PLEKHH2: variants seen among roughly 807,000 people sequenced by gnomAD.
PLEKHH2 encodes pleckstrin homology, MyTH4 and FERM domain containing H2.
A neutral mutation model predicts 187.9 loss-of-function variants in PLEKHH2; 129 were observed. The observed-to-expected ratio is 0.69, with a 90% CI of 0.59 to 0.79. The LOEUF (loss-of-function observed/expected upper bound fraction) is 0.79. PLEKHH2 is among the 30% of genes least tolerant of loss of function. PLEKHH2 has a pLI of 0.00. For synonymous variants in PLEKHH2, 686 were observed against 605.6 expected (o/e 1.13, Z -1.95); for missense variants, 2,076 against 1,751.2 (o/e 1.19, Z -3.31).
At chr2:43,713,852 C>T (rs1010754415) in intron 15 of PLEKHH2, among the ~76,000 whole-genome samples, 1 of 151,984 alleles carries the variant, frequency 6.6e-6, no homozygotes, top group East Asian at 1.9e-4. Flanking sequence ...GTAGTTTATA[C>T]TTATTATTAA....
At position 43,694,480 on chromosome 2, in the gene PLEKHH2, A is replaced by C; in HGVS notation, c.386A>C (p.Lys129Thr). The change falls in exon 5 of 30, where the codon AAG becomes ACG. Residue 129 changes from lysine (K) to threonine (T), a missense_variant. Transcript: ENST00000282406. ...AAAATAATAGAAGAGAAAGCAGCTA[A>C]GATAAAAGAATGGGTAACAGTTAAG... ...EAKIIEEKAA[K>T]IKEWVTVKLN... 1 of 1,564,602 alleles carries C rather than the reference A, an allele frequency of 6.4e-7. No homozygotes were observed. Among genetic ancestry groups the C allele is most frequent in the Non-Finnish European group, 8.7e-7 (1 of 1,147,910 alleles).
At chr2:43,757,320 T>A in intron 26 of PLEKHH2, 56 bp downstream of exon 26, 1 of 1,296,448 alleles carries the variant, frequency 7.7e-7, no homozygotes, top group Non-Finnish European at 1.0e-6. Context: ...TTTTTGGTAA[T>A]ATTTTTGTGT....
At chr2:43,724,217 T>C (rs1003806763) in intron 16 of PLEKHH2, among the ~76,000 whole-genome samples, 3 of 152,258 alleles carry the variant, frequency 2.0e-5, no homozygotes, top group East Asian at 1.9e-4. Flanking sequence ...AGTTATAAAT[T>C]TGGGAGTAGC....
At chr2:43,745,188 T>A (rs1190109495) in intron 23 of PLEKHH2, among the ~76,000 whole-genome samples, 2 of 152,006 alleles carry the variant, frequency 1.3e-5, no homozygotes, top group African/African-American at 2.4e-5. Flanking sequence ...TGGCGGCGGG[T>A]GCCTGTAGTC....
intron 18 of PLEKHH2, 148 bp downstream of exon 18, chr2:43,729,893 T>C: frequency 2.0e-6 from 1 of 504,544 alleles, no homozygotes; most frequent in South Asian, 3.9e-5. Context: ...GGGAGAGAAT[T>C]CTGTCTGTGG....
rs537816296 is a variant in PLEKHH2, at chr2:43,707,525, G to A, written c.1946G>A (p.Ser649Asn). 28 of 1,613,938 alleles carry A rather than the reference G, an allele frequency of 1.7e-5. No individual in the cohort carries two copies. In the African/African-American group the frequency reaches 2.8e-4, roughly 16 times the overall value. The change falls in exon 11 of 30, where the codon AGC (serine) becomes AAC (asparagine). Residue 649 changes from serine to asparagine, a missense_variant. Transcript: ENST00000282406. ...SDSRSRSGPGSPRAMKRGVSL... is the reference protein window; with the variant it reads ...SDSRSRSGPGNPRAMKRGVSL... ...TCACGCAGTAGGAGTGGGCCAGGCAGCCCCAGAGCCATGAAACGAGGTGAG... is the reference window on the plus strand; with the variant it reads ...TCACGCAGTAGGAGTGGGCCAGGCAACCCCAGAGCCATGAAACGAGGTGAG...
At chr2:43,681,449 T>A in intron 3 of PLEKHH2, 3 of 1,546,106 alleles carry the variant, frequency 1.9e-6, no homozygotes, top group Admixed American at 3.9e-5. Context: ...CAAAATAATC[T>A]TCTTCCTCTT....
chr2:43,676,057 T>A (rs750152411), intron 2 of PLEKHH2: 1 of 1,613,982 alleles, frequency 6.2e-7, no homozygotes, highest in African/African-American at 1.3e-5. Context: ...GGTCCAGGTC[T>A]CTTTCAGTAC....
intron 11 of PLEKHH2, among the ~76,000 whole-genome samples, chr2:43,709,650 A>G (rs750226771): frequency 1.3e-5 from 2 of 152,192 alleles, no homozygotes; most frequent in Non-Finnish European, 2.9e-5. Flanking sequence ...ATCCTGGCCA[A>G]CATGATGAAA....
At chr2:43,754,165 TACACAC>T (rs373399236) in intron 25 of PLEKHH2, among the ~76,000 whole-genome samples, 2,173 of 118,058 alleles carry the variant, frequency 0.018, 22 homozygotes, top group African/African-American at 0.054. Flanking sequence ...TTCAATCTTC[TACACAC>T]ACACACACAC....
intron 3 of PLEKHH2, among the ~76,000 whole-genome samples, chr2:43,682,244 T>C (rs963272669): frequency 1.3e-5 from 2 of 152,234 alleles, no homozygotes; most frequent in Non-Finnish European, 2.9e-5. Flanking sequence ...ATTCAGATTT[T>C]TCCAAATAGC....
At chr2:43,751,493 T>A (rs1367058676) in intron 24 of PLEKHH2, among the ~76,000 whole-genome samples, 1 of 152,142 alleles carries the variant, frequency 6.6e-6, no homozygotes, top group African/African-American at 2.4e-5. Flanking sequence ...AGCAAAAGGA[T>A]CGCCCAGTGG....
chr2:43,641,127 A>G, intron 1 of PLEKHH2, among the ~76,000 whole-genome samples: 1 of 151,552 alleles, frequency 6.6e-6, no homozygotes, highest in Admixed American at 6.6e-5. Flanking sequence ...ATCTTTTTTT[A>G]TCGTTGAGTC....
At chr2:43,712,532 G>A (rs1670017981) in intron 15 of PLEKHH2, 149 bp downstream of exon 15, 2 of 841,018 alleles carry the variant, frequency 2.4e-6, no homozygotes, top group Admixed American at 3.8e-5. Flanking sequence ...TGATGCCCAA[G>A]GCAAAAACTA....
chr2:43,720,855 A>G, intron 16 of PLEKHH2, 106 bp downstream of exon 16: 1 of 1,459,146 alleles, frequency 6.9e-7, no homozygotes, highest in Non-Finnish European at 9.0e-7. Context: ...CAGAATCTTT[A>G]TGAGGTTGAA....
At chr2:43,646,819 CTT>C (rs564251533) in intron 2 of PLEKHH2, among the ~76,000 whole-genome samples, 6 of 136,240 alleles carry the variant, frequency 4.4e-5, no homozygotes, top group Admixed American at 7.3e-5. Context: ...TTTTCTTCTT[CTT>C]TTTTTTTTTT....
chr2:43,732,253 C>T (rs1259470360), intron 19 of PLEKHH2, among the ~76,000 whole-genome samples: 2 of 152,074 alleles, frequency 1.3e-5, no homozygotes, highest in African/African-American at 4.8e-5. Flanking sequence ...ATCCCAGCTA[C>T]TTGGGAGGCT....
In PLEKHH2 at chr2:43,766,920, A is replaced by T. The variant is rs1336438807; in HGVS notation, c.*1322A>T. ...GCCTCAAAAATATTTTTTAAAAGAA[A>T]AGAGAAAATAATTCTTCTGTCAAAG... On this transcript the variant is annotated 3_prime_UTR_variant, in exon 30 of 30. Transcript: ENST00000282406. The T allele has an allele frequency of 6.5e-6, 1 of 152,706 alleles. No homozygotes were observed. The highest frequency in any genetic ancestry group is 6.5e-5 in the Admixed American group (1 of 15,280). The allele number at this position is 152,706 out of a possible 1,614,324, so 9.5% of individuals were successfully genotyped here.
At chr2:43,651,569 CT>C (rs56935564) in intron 2 of PLEKHH2, among the ~76,000 whole-genome samples, 6 of 151,182 alleles carry the variant, frequency 4.0e-5, no homozygotes, top group African/African-American at 7.3e-5. Flanking sequence ...ATTTTTGTGT[CT>C]TTTTTTTTGT....
Sources: allele counts gnomAD v4.1 joint callset (sites outside exome capture counted in the v4.1 genomes callset), GRCh38; gene constraint gnomAD v4.1.1; transcripts MANE v1.5; gene names NCBI Gene and HGNC (gene_info 2026-07-23, HGNC 2026-07-21).